The following HORMAD2 variants were observed in gnomAD, a reference collection of about 807,000 sequenced individuals.
The protein encoded by HORMAD2 is HORMA domain containing 2.
Under a neutral mutation model 38.8 loss-of-function variants are expected in HORMAD2, and 45 were observed. The ratio of observed to expected loss-of-function variants is 1.16; its 90% CI spans 0.91 to 1.49. HORMAD2 has a LOEUF of 1.49. Among genes scored for constraint, HORMAD2 ranks in the 40% most tolerant of loss-of-function variants. The probability of loss-of-function intolerance (pLI) is 0.00; values close to 1 mark genes in which losing one functional copy is unlikely to be tolerated. For synonymous variants in HORMAD2, 126 were observed against 122.8 expected (o/e 1.03, Z -0.17); for missense variants, 338 against 367.0 (o/e 0.92, Z 0.65).
At chr22:30,081,980 A>G (rs1481781303) in intron 1 of HORMAD2, among the ~76,000 whole-genome samples, 3 of 152,040 alleles carry the variant, frequency 2.0e-5, no homozygotes, top group Admixed American at 6.6e-5. Flanking sequence ...GTTTCTTTTA[A>G]TTCTCTGTTC....
chr22:30,131,395 A>T (rs1923273868), intron 10 of HORMAD2, among the ~76,000 whole-genome samples: 1 of 152,182 alleles, frequency 6.6e-6, no homozygotes, highest in African/African-American at 2.4e-5. Context: ...ATTTTCTGAA[A>T]TACTTATGTG....
At chr22:30,104,291 G>GT in intron 4 of HORMAD2, 110 bp from the exon 5 acceptor site, 1 of 796,872 alleles carries the variant, frequency 1.3e-6, no homozygotes. Context: ...AGGTAAGATG[G>GT]TTATCAACTT....
chr22:30,179,414 G>A (rs959333449), downstream of HORMAD2, among the ~76,000 whole-genome samples: 2 of 152,168 alleles, frequency 1.3e-5, no homozygotes, highest in South Asian at 2.1e-4. Context: ...TGTGTACTGA[G>A]GTCATGGCTG....
chr22:30,177,999 C>T (rs1926554239), downstream of HORMAD2, among the ~76,000 whole-genome samples: 2 of 152,216 alleles, frequency 1.3e-5, no homozygotes, highest in East Asian at 1.9e-4. Context: ...CTTTTTAACT[C>T]TACAATTGTC....
the HORMAD2 span, among the ~76,000 whole-genome samples, chr22:30,195,288 A>AT: frequency 2.6e-5 from 4 of 151,880 alleles, no homozygotes; most frequent in African/African-American, 9.7e-5. Flanking sequence ...ATGAGCTAGC[A>AT]TTTTTTAACA....
At chr22:30,144,731 G>A (rs954139103) in intron 10 of HORMAD2, among the ~76,000 whole-genome samples, 16 of 151,958 alleles carry the variant, frequency 1.1e-4, no homozygotes, top group Non-Finnish European at 1.9e-4. Context: ...AGCATTCTCG[G>A]TGGTACAGTA....
chr22:30,103,407 TA>T, intron 3 of HORMAD2, 29 bp from the exon 4 acceptor site: 2 of 1,356,454 alleles, frequency 1.5e-6, no homozygotes, highest in South Asian at 1.3e-5. Context: ...ATTTAGTAGA[TA>T]AAAATAGACT....
At chr22:30,187,499 CTTTGTGTGTG>C in the HORMAD2 span, among the ~76,000 whole-genome samples, 2 of 125,334 alleles carry the variant, frequency 1.6e-5, no homozygotes, top group African/African-American at 7.0e-5. Context: ...AGTATATTTC[CTTTGTGTGTG>C]TGTGTGTGTG....
intron 10 of HORMAD2, among the ~76,000 whole-genome samples, chr22:30,156,799 C>T (rs544213399): frequency 4.6e-5 from 7 of 152,240 alleles, no homozygotes; most frequent in South Asian, 2.1e-4. Context: ...AAAGCACTGA[C>T]GAAGAGTCAG....
the HORMAD2 span, among the ~76,000 whole-genome samples, chr22:30,205,516 G>A: frequency 9.2e-5 from 14 of 152,176 alleles, no homozygotes; most frequent in Middle Eastern, 3.4e-3. Context: ...TCTCATTCCC[G>A]GACGTCCAGC....
chr22:30,204,992 G>A, the HORMAD2 span, among the ~76,000 whole-genome samples: 1 of 152,160 alleles, frequency 6.6e-6, no homozygotes, highest in Non-Finnish European at 1.5e-5. Context: ...GGCCCGGGGT[G>A]GCGGCTCAAA....
chr22:30,127,231 C>T (rs1922943028), intron 10 of HORMAD2, among the ~76,000 whole-genome samples: 2 of 95,810 alleles, frequency 2.1e-5, no homozygotes, highest in African/African-American at 8.4e-5. Flanking sequence ...TTTTTTGAGA[C>T]GGAGTCTCGC....
the HORMAD2 span, among the ~76,000 whole-genome samples, chr22:30,198,035 T>A: frequency 1.5e-5 from 2 of 130,702 alleles, no homozygotes; most frequent in Non-Finnish European, 3.3e-5. Context: ...AAAAAAAAAA[T>A]TTAGCTGGGC....
At chr22:30,165,211 C>A (rs910925068) in intron 10 of HORMAD2, among the ~76,000 whole-genome samples, 2 of 152,138 alleles carry the variant, frequency 1.3e-5, no homozygotes, top group African/African-American at 4.8e-5. Flanking sequence ...AATCATTTGA[C>A]CATATACATG....
intron 10 of HORMAD2, among the ~76,000 whole-genome samples, chr22:30,174,303 G>A (rs73402647): frequency 0.048 from 7,359 of 152,158 alleles, 595 homozygotes; most frequent in African/African-American, 0.17. Context: ...TGGCTTTGGC[G>A]TCAAGTGTAC....
chr22:30,103,088 T>G (rs1920965869), intron 3 of HORMAD2, among the ~76,000 whole-genome samples: 1 of 152,190 alleles, frequency 6.6e-6, no homozygotes, highest in Non-Finnish European at 1.5e-5. Flanking sequence ...GATATTTAGG[T>G]GTATATTTTA....
chr22:30,130,813 A>G (rs1171151471), intron 10 of HORMAD2, among the ~76,000 whole-genome samples: 1 of 149,986 alleles, frequency 6.7e-6, no homozygotes, highest in Admixed American at 6.6e-5. Context: ...CTGGTCTCCA[A>G]CTCCTGAGCT....
downstream of HORMAD2, among the ~76,000 whole-genome samples, chr22:30,178,273 T>G (rs1926565448): frequency 6.6e-6 from 1 of 152,220 alleles, no homozygotes; most frequent in Non-Finnish European, 1.5e-5. Flanking sequence ...TCTGAATCTA[T>G]CTAGAAAATT....
chr22:30,167,113 C>T (rs956944893), intron 10 of HORMAD2, among the ~76,000 whole-genome samples: 1 of 152,158 alleles, frequency 6.6e-6, no homozygotes, highest in African/African-American at 2.4e-5. Context: ...TATTCTTTGC[C>T]TCGTCCAGCT....
Sources: gnomAD v4.1 joint callset for allele counts (sites outside exome capture counted in the v4.1 genomes callset) on GRCh38, gnomAD v4.1.1 for gene constraint, MANE v1.5 for transcripts, NCBI Gene and HGNC (gene_info 2026-07-23, HGNC 2026-07-21) for gene names.